Variants in LMOD1 observed in about 807,000 individuals in gnomAD.
The protein encoded by LMOD1 is leiomodin-1.
LMOD1 carries 8 observed loss-of-function variants against 36.5 expected under a neutral mutation model. The observed-to-expected ratio is 0.22, with a 90% CI of 0.13 to 0.40. LMOD1 has a LOEUF of 0.40. Ranked by LOEUF, LMOD1 falls within the 10% of genes least tolerant of loss-of-function variation. The pLI, the probability that LMOD1 is intolerant of heterozygous loss-of-function variation, is 1.00. For synonymous variants in LMOD1, 284 were observed against 288.7 expected, an observed-to-expected ratio of 0.98 and a Z score of 0.17; for missense variants, 630 against 751.1, an observed-to-expected ratio of 0.84 and a Z score of 1.88.
At chr1:201,930,366 T>C (rs774043048) in intron 1 of LMOD1, among the ~76,000 whole-genome samples, 3 of 151,510 alleles carry the variant, frequency 2.0e-5, no homozygotes, top group Non-Finnish European at 4.4e-5. Flanking sequence ...AGAAGTTGAA[T>C]TGCGAGGAGG....
At chr1:201,904,287 T>C (rs754545873) in intron 1 of LMOD1, among the ~76,000 whole-genome samples, 2 of 152,216 alleles carry the variant, frequency 1.3e-5, no homozygotes, top group African/African-American at 2.4e-5. Context: ...CTCGGCTCAC[T>C]GCAACCTCTG....
chr1:201,906,519 G>A (rs1469614950), intron 1 of LMOD1, among the ~76,000 whole-genome samples: 7 of 152,162 alleles, frequency 4.6e-5, no homozygotes, highest in Admixed American at 4.6e-4. Context: ...GGAGGGCAGG[G>A]AAGAGCTGAC....
Position 201,898,096 on chromosome 1 carries a change from A to G in LMOD1, c.*276T>C. The G allele has an allele frequency of 1.9e-6, 1 of 515,012 alleles. No individual in the cohort carries two copies. The highest frequency in any genetic ancestry group is 2.4e-5 in the South Asian group (1 of 41,830). 31.9% of individuals were successfully genotyped at this position (515,012 alleles called of 1,614,324 possible). A position where few individuals can be genotyped will look rare whatever the true frequency, so the allele number is the denominator to read the frequency against. ...AGCTACATGGGCCCTGGACAGTGCCATCTTCTCAGTGATGTGCTAAAAGGA... is the reference window on the plus strand; with the variant it reads ...AGCTACATGGGCCCTGGACAGTGCCGTCTTCTCAGTGATGTGCTAAAAGGA... On this transcript the variant is annotated 3_prime_UTR_variant, in exon 3 of 3. Coordinates refer to ENST00000367288, the MANE Select transcript of LMOD1 (RefSeq NM_012134.3).
chr1:201,900,753 T>C lies in LMOD1; in HGVS notation c.262-2A>G. On this transcript the variant is annotated splice_acceptor_variant, in intron 1 of 2. Transcript: ENST00000367288. LOFTEE classifies it high-confidence loss of function. ...CTTGGTCTCCACTTGCTTGCTTTCC[T>C]AAGAATTCAGAAAAGAAAAATAATC... 1 of 1,573,890 alleles carries C rather than the reference T, an allele frequency of 6.4e-7. No homozygotes were observed. The highest frequency in any genetic ancestry group is 8.6e-7 in the Non-Finnish European group (1 of 1,163,456).
chr1:201,922,109 G>A (rs953652946), intron 1 of LMOD1, among the ~76,000 whole-genome samples: 7 of 152,258 alleles, frequency 4.6e-5, no homozygotes, highest in African/African-American at 1.7e-4. Context: ...GGACAAGGAT[G>A]TGGAGAAATT....
chr1:201,929,185 C>T (rs1336093419), intron 1 of LMOD1, among the ~76,000 whole-genome samples: 2 of 152,054 alleles, frequency 1.3e-5, no homozygotes, highest in Non-Finnish European at 2.9e-5. Flanking sequence ...TCACTGCAAC[C>T]TCTGCCTCCT....
chr1:201,930,129 T>C (rs1017688024), intron 1 of LMOD1, among the ~76,000 whole-genome samples: 2 of 152,122 alleles, frequency 1.3e-5, no homozygotes, highest in Non-Finnish European at 2.9e-5. Context: ...GAGAAGAGTA[T>C]TCGTAGCTTG....
At chr1:201,936,577 G>A (rs1311887275) in intron 1 of LMOD1, among the ~76,000 whole-genome samples, 1 of 152,014 alleles carries the variant, frequency 6.6e-6, no homozygotes, top group Non-Finnish European at 1.5e-5. Flanking sequence ...TGTCTTTGAT[G>A]TTCCCTCTGC....
chr1:201,946,506 T>C lies in LMOD1; in HGVS notation c.-166A>G. The C allele has an allele frequency of 1.4e-6, 1 of 701,720 alleles. No individual in the cohort carries two copies. Among genetic ancestry groups the C allele is most frequent in the Non-Finnish European group, 2.3e-6 (1 of 429,378 alleles). 43.5% of individuals were successfully genotyped at this position (701,720 alleles called of 1,614,324 possible). On this transcript the variant is annotated 5_prime_UTR_variant, in exon 1 of 3. Coordinates refer to ENST00000367288, the MANE Select transcript of LMOD1 (RefSeq NM_012134.3). Reference sequence around the variant, plus strand: ...TTCTGTGCTACAGGTGCTGAAGTGTTCACTGGACGCAGCAGCCTCCCTGAA... The same window carrying C: ...TTCTGTGCTACAGGTGCTGAAGTGTCCACTGGACGCAGCAGCCTCCCTGAA...
intron 1 of LMOD1, among the ~76,000 whole-genome samples, chr1:201,903,700 G>C (rs981556780): frequency 1.3e-5 from 2 of 152,122 alleles, no homozygotes; most frequent in African/African-American, 4.8e-5. Context: ...TTGGAGGTGA[G>C]AGCTGGAGGG....
intron 1 of LMOD1, among the ~76,000 whole-genome samples, chr1:201,932,822 C>G (rs184107140): frequency 1.3e-5 from 2 of 152,162 alleles, no homozygotes; most frequent in Admixed American, 6.6e-5. Context: ...CTATGTTAAA[C>G]CTTCAAATTT....
chr1:201,901,226 C>G (rs570966530), intron 1 of LMOD1, among the ~76,000 whole-genome samples: 18 of 151,926 alleles, frequency 1.2e-4, no homozygotes, highest in Admixed American at 3.3e-4. Flanking sequence ...ACATGAAGTC[C>G]GGGCGCGGTG....
At chr1:201,941,753 C>T (rs1003682329) in intron 1 of LMOD1, among the ~76,000 whole-genome samples, 2 of 152,174 alleles carry the variant, frequency 1.3e-5, no homozygotes, top group East Asian at 1.9e-4. Flanking sequence ...GCCCAGCAGC[C>T]GCTATTAGTA....
chr1:201,927,160 A>G (rs1280839229), intron 1 of LMOD1, among the ~76,000 whole-genome samples: 1 of 152,204 alleles, frequency 6.6e-6, no homozygotes, highest in Non-Finnish European at 1.5e-5. Context: ...CCTGCTTTTA[A>G]GGCAAAGATT....
At chr1:201,923,958 G>T (rs563453428) in intron 1 of LMOD1, among the ~76,000 whole-genome samples, 21 of 138,644 alleles carry the variant, frequency 1.5e-4, no homozygotes, top group Non-Finnish European at 3.1e-4. Flanking sequence ...AGAAAGGAAA[G>T]AAAAAGAAAA....
At position 201,899,230 on chromosome 1, in the gene LMOD1, T is replaced by C. The variant is rs1409874200; in HGVS notation, c.1776+7A>G. ...CGCCCTGTTGGCTCATGCCCACAAC[T>C]ACTTAACTTCTTGAGCTGCTTGAGG... On this transcript the variant is annotated splice_region_variant and intron_variant, in intron 2 of 2. Coordinates refer to ENST00000367288, the MANE Select transcript of LMOD1 (RefSeq NM_012134.3). The surrounding 1 kb of genome is among the most constrained non-coding windows in gnomAD (Gnocchi z 6.3). The C allele has an allele frequency of 6.3e-7, 1 of 1,575,102 alleles. No individual in the cohort carries two copies. The highest frequency in any genetic ancestry group is 1.7e-5 in the Admixed American group (1 of 57,534).
intron 1 of LMOD1, among the ~76,000 whole-genome samples, chr1:201,907,042 C>T (rs10800794): frequency 0.015 from 2,259 of 152,266 alleles, 51 homozygotes; most frequent in African/African-American, 0.049. Context: ...CATTAGACAT[C>T]AAAGATTCAG....
chr1:201,914,107 C>T (rs1020881628), intron 1 of LMOD1, among the ~76,000 whole-genome samples: 6 of 152,152 alleles, frequency 3.9e-5, no homozygotes, highest in African/African-American at 7.2e-5. Context: ...CTATCCAGCA[C>T]GTCAGTCATC....
chr1:201,920,043 C>CGCT lies in LMOD1; in HGVS notation c.262-19293_262-19292insAGC, dbSNP rs1558238866. ...CATCTCCACCCGCCACTGGCTCTCT[C>CGCT]TCTTTTTTTTTTTTTTTTTTTTTTT... On this transcript the variant is annotated intron_variant, in intron 1 of 2. Coordinates refer to ENST00000367288, the MANE Select transcript of LMOD1 (RefSeq NM_012134.3). Among the ~76,000 whole-genome samples, 4 of 116,678 alleles carry CGCT rather than the reference C, an allele frequency of 3.4e-5. No individual in the cohort carries two copies. In the East Asian group the frequency reaches 1.3e-3, roughly 38 times the overall value. The allele number at this position is 116,678 out of a possible 152,430, so 76.5% of individuals were successfully genotyped here.
Sources: gnomAD v4.1 joint callset for allele counts (sites outside exome capture counted in the v4.1 genomes callset) on GRCh38, gnomAD v4.1.1 for gene constraint, Gnocchi (gnomAD v3.1) non-coding constraint, MANE v1.5 for transcripts, NCBI Gene and HGNC (gene_info 2026-07-23, HGNC 2026-07-21) for gene names.